TSC22D4: variants seen among roughly 807,000 people sequenced by gnomAD.
TSC22D4 encodes the protein TSC22 domain family member 4, also known as TSC22 domain family protein 4.
TSC22D4 carries 5 observed loss-of-function variants against 24.9 expected under a neutral mutation model. The ratio of observed to expected loss-of-function variants is 0.20; its 90% CI spans 0.10 to 0.42. The LOEUF (loss-of-function observed/expected upper bound fraction) is 0.42. Ranked by LOEUF, TSC22D4 falls within the 10% of genes least tolerant of loss-of-function variation. TSC22D4 has a pLI of 1.00. For synonymous variants in TSC22D4, 245 were observed against 243.2 expected, an observed-to-expected ratio of 1.01 and a Z score of -0.07; for missense variants, 469 against 547.9, an observed-to-expected ratio of 0.86 and a Z score of 1.44.
chr7:100,475,010 C>T (rs1031553181), intron 2 of TSC22D4, among the ~76,000 whole-genome samples: 1 of 151,992 alleles, frequency 6.6e-6, no homozygotes, highest in African/African-American at 2.4e-5. Flanking sequence ...GATGTTGTCC[C>T]GGCTGGTCTC....
Position 100,477,623 on chromosome 7 carries a change from G to A in TSC22D4, c.416C>T (p.Thr139Ile), listed in dbSNP as rs554622298. The A allele has an allele frequency of 1.1e-5, 17 of 1,598,110 alleles. No individual in the cohort carries two copies. In the East Asian group the frequency reaches 3.1e-4, roughly 30 times the overall value. ...ELASLGLGAP[T>I]PPSGLSQGPT... is the part of the protein sequence containing the mutation. ...GCCCTGAGACAGGCCTGACGGTGGG[G>A]TGGGGGCGCCCAGGCCGAGGCTGGC... is the stretch of plus-strand genomic sequence containing the variant. The change falls in exon 2 of 5, where the codon ACC becomes ATC. Residue 139 changes from threonine to isoleucine, a missense_variant. Transcript: ENST00000300181. This position sits in a 1 kb window ranked among gnomAD's most constrained non-coding sequence, Gnocchi z 7.8.
intron 2 of TSC22D4, among the ~76,000 whole-genome samples, chr7:100,476,140 G>T (rs1799492244): frequency 6.6e-6 from 1 of 151,068 alleles, no homozygotes; most frequent in South Asian, 2.1e-4. Context: ...GGCCAAGGGG[G>T]TTTGCTTTGG....
chr7:100,471,697 G>T (rs1350376738), intron 3 of TSC22D4, among the ~76,000 whole-genome samples: 3 of 152,062 alleles, frequency 2.0e-5, no homozygotes, highest in African/African-American at 7.3e-5. Flanking sequence ...CCAAGATCGT[G>T]CCACTGCATT....
intron 1 of TSC22D4, 41 bp from the exon 2 acceptor site, chr7:100,478,348 AGAGTGTGTGT>A (rs1438583505): frequency 1.9e-4 from 42 of 224,276 alleles, no homozygotes; most frequent in African/African-American, 9.0e-4. Context: ...AGAGAGAGAG[AGAGTGTGTGT>A]GTGTGTGTGT....
intron 4 of TSC22D4, 183 bp downstream of exon 4, chr7:100,467,369 G>A (rs1799302288): frequency 3.5e-6 from 3 of 854,186 alleles, no homozygotes; most frequent in African/African-American, 1.7e-5. Flanking sequence ...CCAGACTAGA[G>A]GCTGGGCAAA....
At position 100,474,370 on chromosome 7, in the gene TSC22D4, T is replaced by A; in HGVS notation, c.833A>T (p.Lys278Ile). The change falls in exon 3 of 5, where the codon AAA (lysine) becomes ATA (isoleucine). Residue 278 changes from lysine to isoleucine, a missense_variant. Transcript: ENST00000300181. The surrounding 1 kb of genome is among the most constrained non-coding windows in gnomAD (Gnocchi z 4.3). ...YFTHDASLVH[K>I]SPDPFGAVAA... ...TACTGCTCCGAAGGGGTCTGGAGAT[T>A]TGTGAACCAGGCTGGCATCGTGGGT... The A allele has an allele frequency of 6.2e-7, 1 of 1,613,956 alleles. No individual in the cohort carries two copies. Among genetic ancestry groups the A allele is most frequent in the Non-Finnish European group, 8.5e-7 (1 of 1,179,984 alleles).
At position 100,467,070 on chromosome 7, in the gene TSC22D4, C is replaced by T; in HGVS notation, c.1077G>A (p.Glu359=). The change falls in exon 5 of 5, where the codon GAG becomes GAA. Residue 359 remains glutamate, a synonymous_variant. Transcript: ENST00000300181. ...GGGCGCGCAGCAGCCCATTCTCCTGCTCCAGCGCAGCGTTCCGCTCCGCCA... is the reference window on the plus strand; with the variant it reads ...GGGCGCGCAGCAGCCCATTCTCCTGTTCCAGCGCAGCGTTCCGCTCCGCCA... ...RELAERNAAL[E]QENGLLRALA... The T allele has an allele frequency of 6.2e-7, 1 of 1,614,058 alleles. No individual in the cohort carries two copies. Among genetic ancestry groups the T allele is most frequent in the East Asian group, 2.2e-5 (1 of 44,876 alleles).
At chr7:100,470,298 G>A (rs1245315175) in intron 3 of TSC22D4, among the ~76,000 whole-genome samples, 1 of 152,118 alleles carries the variant, frequency 6.6e-6, no homozygotes, top group Non-Finnish European at 1.5e-5. Context: ...ACTGTCTTCT[G>A]TTTGTCTAGC....
At chr7:100,467,666 C>T in intron 3 of TSC22D4, 66 bp from the exon 4 acceptor site, 2 of 1,476,134 alleles carry the variant, frequency 1.4e-6, no homozygotes, top group Non-Finnish European at 9.5e-7. Flanking sequence ...TTTCTTGGAC[C>T]ACAGCCTCCC....
At position 100,467,003 on chromosome 7, in the gene TSC22D4, C is replaced by A. The variant is rs769775796; in HGVS notation, c.1144G>T (p.Val382Phe). 15 of 1,602,634 alleles carry A rather than the reference C, an allele frequency of 9.4e-6. No individual in the cohort carries two copies. The highest frequency in any genetic ancestry group is 1.2e-5 in the Non-Finnish European group (14 of 1,174,786). ...EQLAQLPSSG[V>F]PRLGPPAPNG... ...GGCGCAGGGGGCCCAAGCCGTGGGA[C>A]CCCCGAGGAGGGCAGCTGAGCCAGC... is the stretch of plus-strand genomic sequence containing the variant. The change falls in exon 5 of 5, where the codon GTC becomes TTC. Residue 382 changes from valine to phenylalanine, a missense_variant. Transcript: ENST00000300181.
At chr7:100,467,213 C>CA in intron 4 of TSC22D4, 45 bp from the exon 5 acceptor site, 1 of 1,591,504 alleles carries the variant, frequency 6.3e-7, no homozygotes, top group African/African-American at 1.3e-5. Context: ...GTGGGTGCCT[C>CA]ATCCCCTGCC....
At chr7:100,473,101 G>C (rs942019265) in intron 3 of TSC22D4, among the ~76,000 whole-genome samples, 4 of 152,146 alleles carry the variant, frequency 2.6e-5, no homozygotes, top group African/African-American at 9.7e-5. Flanking sequence ...ACGATTCTGG[G>C]CCTCCCTTTT....
chr7:100,474,134 C>T lies in TSC22D4; in HGVS notation c.929+140G>A. 1 of 1,134,932 alleles carries T rather than the reference C, an allele frequency of 8.8e-7. No individual in the cohort carries two copies. The highest frequency in any genetic ancestry group is 1.5e-5 in the South Asian group (1 of 68,952). 70.3% of individuals were successfully genotyped at this position (1,134,932 alleles called of 1,614,324 possible). On this transcript the variant is annotated intron_variant, in intron 3 of 4. Transcript: ENST00000300181. The surrounding 1 kb of genome is among the most constrained non-coding windows in gnomAD (Gnocchi z 4.3). ...AATCAACTGTGTGCAGTGGCTATGC[C>T]CAGGCCAGGTTTCTCTAAGAGGTCC...
chr7:100,474,402 G>A lies in TSC22D4; in HGVS notation c.801C>T (p.Leu267=). The A allele has an allele frequency of 6.2e-7, 1 of 1,614,154 alleles. No homozygotes were observed. The highest frequency in any genetic ancestry group is 8.5e-7 in the Non-Finnish European group (1 of 1,180,026). The change falls in exon 3 of 5, where the codon CTC becomes CTT. Residue 267 remains leucine (L), a synonymous_variant. Coordinates refer to ENST00000300181, the MANE Select transcript of TSC22D4 (RefSeq NM_030935.5). This position sits in a 1 kb window ranked among gnomAD's most constrained non-coding sequence, Gnocchi z 4.3. ...PLDSRPSSPA[L]YFTHDASLVH... ...CCAGGCTGGCATCGTGGGTGAAGTA[G>A]AGGGCTGGGGAGCTGGGGCGAGAGT...
At chr7:100,471,172 C>G (rs992887383) in intron 3 of TSC22D4, among the ~76,000 whole-genome samples, 1 of 147,080 alleles carries the variant, frequency 6.8e-6, no homozygotes, top group South Asian at 2.4e-4. Context: ...ATCCAGCTGC[C>G]CTGTCTCTAT....
Position 100,477,205 on chromosome 7 carries a change from A to AGGGGCT in TSC22D4, c.762+71_762+72insAGCCCC. 1 of 1,071,092 alleles carries AGGGGCT rather than the reference A, an allele frequency of 9.3e-7. No individual in the cohort carries two copies. The highest frequency in any genetic ancestry group is 1.3e-6 in the Non-Finnish European group (1 of 799,804). The allele number at this position is 1,071,092 out of a possible 1,614,324, so 66.3% of individuals were successfully genotyped here. A position where few individuals can be genotyped will look rare whatever the true frequency, so the allele number is the denominator to read the frequency against. ...GGAGAAGGAGGAGGAGAGGGGGGGG[A>AGGGGCT]GGAGGAGGAAGGAGGCTCAAGATAG... On this transcript the variant is annotated intron_variant, in intron 2 of 4. Transcript: ENST00000300181. The surrounding 1 kb of genome is among the most constrained non-coding windows in gnomAD (Gnocchi z 7.8).
In TSC22D4 at chr7:100,474,677, A is replaced by G. The variant is rs955832536; in HGVS notation, c.763-237T>C. ...GGAGGAGTGGTGTATAGGACATTAGAGAGAGTCTCCCAAGTGGGAGGAGGG... is the reference window on the plus strand; with the variant it reads ...GGAGGAGTGGTGTATAGGACATTAGGGAGAGTCTCCCAAGTGGGAGGAGGG... On this transcript the variant is annotated intron_variant, in intron 2 of 4. Transcript: ENST00000300181. The surrounding 1 kb of genome is among the most constrained non-coding windows in gnomAD (Gnocchi z 4.3). Among the ~76,000 whole-genome samples, 10 of 151,982 alleles carry G rather than the reference A, an allele frequency of 6.6e-5. No individual in the cohort carries two copies. Among genetic ancestry groups the G allele is most frequent in the African/African-American group, 2.2e-4 (9 of 41,416 alleles).
intron 2 of TSC22D4, among the ~76,000 whole-genome samples, chr7:100,475,718 G>A (rs1212506516): frequency 1.3e-5 from 2 of 151,454 alleles, no homozygotes; most frequent in African/African-American, 4.9e-5. Context: ...CGGAGCCTGG[G>A]CGTGGACCTG....
In TSC22D4 at chr7:100,467,120, C is replaced by A. The variant is rs762348807; in HGVS notation, c.1027G>T (p.Val343Leu). The change falls in exon 5 of 5, where the codon GTG (valine) becomes TTG (leucine). Residue 343 changes from valine (V) to leucine (L), a missense_variant. By Grantham distance (32) the Val-to-Leu change is conservative (BLOSUM62 1). Coordinates refer to ENST00000300181, the MANE Select transcript of TSC22D4 (RefSeq NM_030935.5). Reference sequence around the variant, plus strand: ...AATTCCCGGATCTGCTCCTTCAGCACCTCCACCTCCTCCCGGACCGCAAAC... The same window carrying A: ...AATTCCCGGATCTGCTCCTTCAGCAACTCCACCTCCTCCCGGACCGCAAAC... ...LMFAVREEVE[V>L]LKEQIRELAE... 3 of 1,613,966 alleles carry A rather than the reference C, an allele frequency of 1.9e-6. No individual in the cohort carries two copies. Among genetic ancestry groups the A allele is most frequent in the East Asian group, 4.5e-5 (2 of 44,900 alleles).
Sources: allele counts gnomAD v4.1 joint callset (sites outside exome capture counted in the v4.1 genomes callset), GRCh38; gene constraint gnomAD v4.1.1; non-coding constraint Gnocchi (gnomAD v3.1); transcripts MANE v1.5; gene names NCBI Gene and HGNC (gene_info 2026-07-23, HGNC 2026-07-21).